Variants in SMU1 observed in about 807,000 individuals in gnomAD.
SMU1 encodes the protein WD40 repeat-containing protein SMU1.
A neutral mutation model predicts 62.0 loss-of-function variants in SMU1; 2 were observed. That is an observed-to-expected ratio of 0.03 (90% CI 0.01 to 0.10). SMU1 has a LOEUF of 0.10. SMU1 is among the 10% of genes least tolerant of loss of function. SMU1 has a pLI of 1.00. For missense variants in SMU1, 227 were observed against 622.1 expected, an observed-to-expected ratio of 0.36 and a Z score of 6.76; for synonymous variants, 188 against 212.4, an observed-to-expected ratio of 0.89 and a Z score of 1.00.
At chr9:33,063,332 C>T (rs952501513) in intron 4 of SMU1, among the ~76,000 whole-genome samples, 1 of 151,934 alleles carries the variant, frequency 6.6e-6, no homozygotes, top group Admixed American at 6.6e-5. Flanking sequence ...ACTGCACTCC[C>T]AGCCTGGGCA....
intron 8 of SMU1, 59 bp from the exon 9 acceptor site, chr9:33,056,298 C>T: frequency 6.6e-7 from 1 of 1,503,874 alleles, no homozygotes; most frequent in Middle Eastern, 1.7e-4. Context: ...TGGTTGTGAC[C>T]AACGATTGAA....
chr9:33,056,890 G>A lies in SMU1; in HGVS notation c.942C>T (p.Ser314=). The A allele has an allele frequency of 1.9e-6, 3 of 1,613,150 alleles. No homozygotes were observed. Among genetic ancestry groups the A allele is most frequent in the Non-Finnish European group, 2.5e-6 (3 of 1,179,772 alleles). Residue 314 remains serine, a synonymous_variant, in exon 8 of 12, where the codon AGC becomes AGT. Transcript: ENST00000397149. ...GGATCTGACTGCTATCCTTAGAAAA[G>A]CTTAGACAGGTGACACCCTTACTGT... is the stretch of plus-strand genomic sequence containing the variant. ...RAHSKGVTCL[S]FSKDSSQILS... is the part of the protein sequence containing the mutation.
chr9:33,076,479 C>T, intron 1 of SMU1, 104 bp downstream of exon 1: 1 of 1,396,426 alleles, frequency 7.2e-7, no homozygotes, highest in Non-Finnish European at 1.0e-6. Flanking sequence ...AAATGGCCCT[C>T]CACTCCCTGG....
Position 33,049,974 on chromosome 9 carries a change from T to C in SMU1, c.1291-1716A>G, listed in dbSNP as rs186392424. Among the ~76,000 whole-genome samples, 240 of 152,144 alleles carry C rather than the reference T, an allele frequency of 1.6e-3. 1 individual carries two copies. Among genetic ancestry groups the C allele is most frequent in the Non-Finnish European group, 2.9e-3 (199 of 67,994 alleles). The stretch of plus-strand genomic sequence containing the variant: ...AGGAAGAAAATGAAAAGACAAGCCA[T>C]GGACTGGGAGAAAATATCTGTAAAA... On this transcript the variant is annotated intron_variant, in intron 10 of 11. Coordinates refer to ENST00000397149, the MANE Select transcript of SMU1 (RefSeq NM_018225.3).
At chr9:33,068,668 C>T (rs1267231257) in intron 4 of SMU1, among the ~76,000 whole-genome samples, 156 bp downstream of exon 4, 5 of 152,056 alleles carry the variant, frequency 3.3e-5, no homozygotes, top group South Asian at 2.1e-4. Flanking sequence ...CCATAACCCG[C>T]TAATTTTTTT....
intron 4 of SMU1, among the ~76,000 whole-genome samples, chr9:33,067,060 G>T (rs1294260403): frequency 6.6e-6 from 1 of 151,770 alleles, no homozygotes; most frequent in African/African-American, 2.4e-5. Flanking sequence ...CTAGGCAAAA[G>T]AAAAAATAAG....
Position 33,071,894 on chromosome 9 carries a change from T to G in SMU1, c.238-2A>C. The G allele has an allele frequency of 6.6e-7, 1 of 1,521,224 alleles. No individual in the cohort carries two copies. The highest frequency in any genetic ancestry group is 8.8e-7 in the Non-Finnish European group (1 of 1,140,578). 94.2% of individuals were successfully genotyped at this position (1,521,224 alleles called of 1,614,324 possible). A position where few individuals can be genotyped will look rare whatever the true frequency, so the allele number is the denominator to read the frequency against. The stretch of plus-strand genomic sequence containing the variant: ...GAGCTCTATCAATTCCAGAACAACC[T>G]GGACAATTAAAAAAAAACAAAAAAA... On this transcript the variant is annotated splice_acceptor_variant, in intron 2 of 11. Transcript: ENST00000397149. LOFTEE classifies it high-confidence loss of function.
At chr9:33,056,380 G>T in intron 8 of SMU1, 141 bp from the exon 9 acceptor site, 1 of 838,690 alleles carries the variant, frequency 1.2e-6, no homozygotes, top group Non-Finnish European at 1.7e-6. Context: ...TGTGTATACG[G>T]TGTAATTTTC....
chr9:33,067,727 G>A (rs1839438670), intron 4 of SMU1, among the ~76,000 whole-genome samples: 1 of 152,040 alleles, frequency 6.6e-6, no homozygotes, highest in African/African-American at 2.4e-5. Flanking sequence ...TCGAGCCCCT[G>A]ATCTCAGGTG....
At chr9:33,062,901 C>A (rs1334372872) in intron 4 of SMU1, among the ~76,000 whole-genome samples, 2 of 152,120 alleles carry the variant, frequency 1.3e-5, no homozygotes, top group Non-Finnish European at 2.9e-5. Flanking sequence ...AAACTCCTTT[C>A]CAAAAGAGCT....
At chr9:33,071,504 G>A (rs1389440252) in intron 3 of SMU1, among the ~76,000 whole-genome samples, 1 of 151,954 alleles carries the variant, frequency 6.6e-6, no homozygotes, top group Non-Finnish European at 1.5e-5. Flanking sequence ...TAACCAACAC[G>A]CAATCCTCTA....
rs1319597285 is a variant in SMU1 at position 33,042,087 on chromosome 9, TAAA to T, written c.*5203_*5205del. 1.3e-5 allele frequency: 2 copies of T among 152,584 alleles called. No individual in the cohort carries two copies. The highest frequency in any genetic ancestry group is 2.4e-5 in the African/African-American group (1 of 41,440). The allele number at this position is 152,584 out of a possible 1,614,324, so 9.5% of individuals were successfully genotyped here. A position where few individuals can be genotyped will look rare whatever the true frequency, so the allele number is the denominator to read the frequency against. On this transcript the variant is annotated 3_prime_UTR_variant, in exon 12 of 12. Coordinates refer to ENST00000397149, the MANE Select transcript of SMU1 (RefSeq NM_018225.3). ...GAAAATTTGTTACATGTTTTACAAT[TAAA>T]AATCCTAAGAACACTAAAAGAAAGT...
intron 10 of SMU1, among the ~76,000 whole-genome samples, chr9:33,050,774 T>C (rs1236700620): frequency 9.3e-5 from 13 of 140,530 alleles, no homozygotes; most frequent in East Asian, 6.7e-4. Context: ...TGCAGTGAGC[T>C]GAGATTGCGC....
intron 6 of SMU1, among the ~76,000 whole-genome samples, chr9:33,058,266 T>C (rs1471979658): frequency 1.3e-5 from 2 of 152,214 alleles, no homozygotes; most frequent in African/African-American, 2.4e-5. Context: ...AAATCACTCA[T>C]AAATCCACTA....
intron 4 of SMU1, among the ~76,000 whole-genome samples, chr9:33,063,561 C>T (rs887349170): frequency 3.9e-5 from 6 of 152,202 alleles, no homozygotes; most frequent in African/African-American, 1.2e-4. Context: ...TACTGGTCCA[C>T]GGCCTGTTAG....
chr9:33,065,744 CACG>C (rs975876883), intron 4 of SMU1, among the ~76,000 whole-genome samples: 29 of 152,160 alleles, frequency 1.9e-4, no homozygotes, highest in African/African-American at 5.8e-4. Context: ...ATTTAGCTAC[CACG>C]ACTTCTCCCA....
intron 10 of SMU1, among the ~76,000 whole-genome samples, chr9:33,049,176 G>A (rs1587705641): frequency 6.6e-6 from 1 of 152,230 alleles, no homozygotes; most frequent in East Asian, 1.9e-4. Context: ...AATGTTGAAA[G>A]AGAAGGACAA....
intron 9 of SMU1, among the ~76,000 whole-genome samples, chr9:33,053,823 T>C (rs897003987): frequency 2.6e-5 from 4 of 152,268 alleles, no homozygotes; most frequent in African/African-American, 7.2e-5. Context: ...TGTTGATTTA[T>C]TGGCAAAGCC....
chr9:33,053,342 A>G (rs779381616), intron 9 of SMU1, 52 bp from the exon 10 acceptor site: 5 of 1,540,200 alleles, frequency 3.2e-6, no homozygotes, highest in African/African-American at 1.4e-5. Context: ...AAAAATTTCT[A>G]AAGTTTTAGG....
Sources: allele counts gnomAD v4.1 joint callset (sites outside exome capture counted in the v4.1 genomes callset), GRCh38; gene constraint gnomAD v4.1.1; transcripts MANE v1.5; gene names NCBI Gene and HGNC (gene_info 2026-07-23, HGNC 2026-07-21).